SEMA3A: variants seen among roughly 807,000 people sequenced by gnomAD.
SEMA3A encodes semaphorin-3A.
In SEMA3A, 29 loss-of-function variants were observed where a neutral mutation model predicts 97.9. That is an observed-to-expected ratio of 0.30 (90% CI 0.22 to 0.40). SEMA3A has a LOEUF of 0.40. Ranked by LOEUF, SEMA3A falls within the 10% of genes least tolerant of loss-of-function variation. The probability of loss-of-function intolerance (pLI) is 1.00; values close to 1 mark genes in which losing one functional copy is unlikely to be tolerated. For synonymous variants in SEMA3A, 321 were observed against 323.7 expected (o/e 0.99, Z 0.09); for missense variants, 763 against 951.3 (o/e 0.80, Z 2.60).
At chr7:84,225,442 C>T (rs542368670) in intron 3 of SEMA3A, among the ~76,000 whole-genome samples, 3 of 152,132 alleles carry the variant, frequency 2.0e-5, no homozygotes, top group South Asian at 2.1e-4. Flanking sequence ...ATTGCTTTTG[C>T]GTGACCCATA....
intron 2 of SEMA3A, among the ~76,000 whole-genome samples, chr7:84,316,160 A>AAAAAT (rs1801495750): frequency 7.1e-6 from 1 of 141,658 alleles, no homozygotes; most frequent in African/African-American, 2.7e-5. Context: ...AAAAAAAAAA[A>AAAAAT]GTGCTCCCTG....
intron 2 of SEMA3A, among the ~76,000 whole-genome samples, chr7:84,336,398 T>G (rs1802039088): frequency 1.3e-5 from 2 of 152,024 alleles, no homozygotes; most frequent in Non-Finnish European, 2.9e-5. Context: ...TCTGGAAAAC[T>G]TCTTCTTTTT....
chr7:84,044,798 T>C (rs567419583), intron 6 of SEMA3A, among the ~76,000 whole-genome samples: 17 of 152,052 alleles, frequency 1.1e-4, no homozygotes, highest in African/African-American at 3.9e-4. Flanking sequence ...ATAAGTAAGA[T>C]TTCAGCTTGG....
At chr7:84,312,921 T>TATATACACACAC (rs1458168481) in intron 2 of SEMA3A, among the ~76,000 whole-genome samples, 2 of 32,874 alleles carry the variant, frequency 6.1e-5, no homozygotes, top group Non-Finnish European at 1.2e-4. Context: ...TATATATATA[T>TATATACACACAC]ACACACACAC....
intron 2 of SEMA3A, among the ~76,000 whole-genome samples, chr7:84,132,193 A>T (rs1473828572): frequency 6.6e-6 from 1 of 152,228 alleles, no homozygotes; most frequent in Non-Finnish European, 1.5e-5. Flanking sequence ...TTGTAATAGG[A>T]TGTTTTTAAA....
chr7:84,359,827 G>A (rs1459304323), intron 2 of SEMA3A, among the ~76,000 whole-genome samples: 1 of 152,044 alleles, frequency 6.6e-6, no homozygotes, highest in Admixed American at 6.5e-5. Context: ...CCTGTTATTG[G>A]TCTATTCAGA....
At chr7:84,247,574 A>G (rs1300369912) in intron 3 of SEMA3A, among the ~76,000 whole-genome samples, 1 of 152,228 alleles carries the variant, frequency 6.6e-6, no homozygotes, top group Non-Finnish European at 1.5e-5. Context: ...ACTTCCCAAT[A>G]TTTACAGCAA....
At chr7:84,093,961 G>A (rs957985604) in intron 4 of SEMA3A, among the ~76,000 whole-genome samples, 9 of 152,030 alleles carry the variant, frequency 5.9e-5, no homozygotes, top group Admixed American at 4.6e-4. Flanking sequence ...AAGGTGGGAG[G>A]CACCAGGAAC....
At chr7:84,456,943 G>A (rs1805701563) in intron 1 of SEMA3A, among the ~76,000 whole-genome samples, 1 of 151,646 alleles carries the variant, frequency 6.6e-6, no homozygotes, top group South Asian at 2.1e-4. Flanking sequence ...GCTAATGTCA[G>A]CTAATAAGCG....
intron 1 of SEMA3A, among the ~76,000 whole-genome samples, chr7:84,145,945 G>T (rs1182960714): frequency 6.6e-6 from 1 of 152,078 alleles, no homozygotes; most frequent in Admixed American, 6.6e-5. Flanking sequence ...CTCATTTTAT[G>T]CCTGTTTCTG....
intron 4 of SEMA3A, among the ~76,000 whole-genome samples, chr7:84,096,964 A>G (rs1005130550): frequency 6.6e-6 from 1 of 152,126 alleles, no homozygotes; most frequent in African/African-American, 2.4e-5. Flanking sequence ...TGCAGTTAGA[A>G]AAGTATGATC....
rs144643141 is a variant in SEMA3A, at chr7:84,381,564, C to T, written c.-245-9664G>A. Among the ~76,000 whole-genome samples, 440 of 152,274 alleles carry T rather than the reference C, an allele frequency of 2.9e-3. 3 individuals are homozygous for T. Among genetic ancestry groups the T allele is most frequent in the African/African-American group, 9.8e-3 (407 of 41,560 alleles). On this transcript the variant is annotated intron_variant, in intron 1 of 3. Coordinates refer to the SEMA3A transcript ENST00000424555. ...ATGTTTAACAAATTACTAAAGTACTCGATTTCTGCCCATCACCCTCTCTCC... is the reference window on the plus strand; with the variant it reads ...ATGTTTAACAAATTACTAAAGTACTTGATTTCTGCCCATCACCCTCTCTCC...
intron 3 of SEMA3A, among the ~76,000 whole-genome samples, chr7:84,299,012 G>A (rs1027596993): frequency 5.3e-5 from 8 of 151,954 alleles, no homozygotes; most frequent in South Asian, 4.2e-4. Flanking sequence ...TTGGACTCTT[G>A]GACTTACTCA....
At chr7:84,006,251 A>G (rs1186674116) in intron 10 of SEMA3A, among the ~76,000 whole-genome samples, 1 of 152,168 alleles carries the variant, frequency 6.6e-6, no homozygotes, top group Non-Finnish European at 1.5e-5. Flanking sequence ...ATTTTTTACT[A>G]TGGCATCATG....
chr7:83,976,586 A>G (rs559292866), intron 15 of SEMA3A, among the ~76,000 whole-genome samples: 65 of 152,158 alleles, frequency 4.3e-4, no homozygotes, highest in African/African-American at 1.5e-3. Context: ...GCTCTGACAT[A>G]TTTTAGGAAG....
intron 11 of SEMA3A, 32 bp downstream of exon 11, chr7:84,005,307 A>G: frequency 6.6e-7 from 1 of 1,524,064 alleles, no homozygotes; most frequent in Non-Finnish European, 9.1e-7. Flanking sequence ...AGTGTTCGGA[A>G]AAAAGTTTAC....
At chr7:84,122,800 T>A (rs17158642) in intron 3 of SEMA3A, among the ~76,000 whole-genome samples, 11,988 of 152,190 alleles carry the variant, frequency 0.079, 834 homozygotes, top group African/African-American at 0.19. Flanking sequence ...ATTGAGGTCC[T>A]GCAATTTGAG....
intron 1 of SEMA3A, among the ~76,000 whole-genome samples, chr7:84,467,514 G>C (rs544848634): frequency 7.6e-6 from 1 of 131,896 alleles, no homozygotes; most frequent in East Asian, 2.3e-4. Context: ...GTGACAGAGC[G>C]AGACTCCTTC....
intron 1 of SEMA3A, among the ~76,000 whole-genome samples, chr7:84,413,701 A>G (rs996064281): frequency 3.3e-5 from 5 of 152,080 alleles, no homozygotes; most frequent in Non-Finnish European, 5.9e-5. Context: ...AAATCAATCA[A>G]TTGAAATTGC....
Sources: allele counts gnomAD v4.1 joint callset (sites outside exome capture counted in the v4.1 genomes callset), GRCh38; gene constraint gnomAD v4.1.1; transcripts MANE v1.5; gene names NCBI Gene and HGNC (gene_info 2026-07-23, HGNC 2026-07-21).